The following PCDHGA10 variants were observed in gnomAD, a reference collection of about 807,000 sequenced individuals.
PCDHGA10 encodes the protein protocadherin gamma-A10.
In PCDHGA10, 42 loss-of-function variants were observed where a neutral mutation model predicts 59.5. The observed-to-expected ratio is 0.71, with a 90% CI of 0.55 to 0.91. PCDHGA10 has a LOEUF of 0.91. Among genes scored for constraint, PCDHGA10 ranks in the 40% least tolerant of loss-of-function variants. PCDHGA10 has a pLI of 0.00. For missense variants in PCDHGA10, 1,111 were observed against 1,198.2 expected, an observed-to-expected ratio of 0.93 and a Z score of 1.07; for synonymous variants, 511 against 517.2, an observed-to-expected ratio of 0.99 and a Z score of 0.16.
Position 141,485,668 on chromosome 5 carries a change from T to C in PCDHGA10, c.2437-9139T>C. 6.2e-7 allele frequency: 1 copy of C among 1,612,698 alleles called. No homozygotes were observed. The highest frequency in any genetic ancestry group is 1.3e-5 in the African/African-American group (1 of 74,972). ...CTCAGGATGCAGATGTGGGGAGCAA[T>C]TCGATTAGCAGCTATAGGCTGAGCT... On this transcript the variant is annotated intron_variant, in intron 1 of 3. Transcript: ENST00000398610. The surrounding 1 kb of genome is among the most constrained non-coding windows in gnomAD (Gnocchi z 5.7).
At chr5:141,508,193 C>T (rs1426786164) in intron 3 of PCDHGA10, 1 of 152,326 alleles carries the variant, frequency 6.6e-6, no homozygotes, top group Non-Finnish European at 1.5e-5. Flanking sequence ...ATCACCCCCA[C>T]CTCGTCCAGG....
In PCDHGA10 at chr5:141,418,992, A is replaced by G. The variant is rs554523363; in HGVS notation, c.2436+3381A>G. 28 of 1,613,802 alleles carry G rather than the reference A, an allele frequency of 1.7e-5. No individual in the cohort carries two copies. The African/African-American group carries it at 2.7e-4, about 15-fold the overall frequency. On this transcript the variant is annotated intron_variant, in intron 1 of 3. Coordinates refer to ENST00000398610, the MANE Select transcript of PCDHGA10 (RefSeq NM_018913.3). Reference sequence around the variant, plus strand: ...AAAACACGGGACCAAGACTCAGGGGAAAATGGGGAAGTCAGGTGTAGCTTA... The same window carrying G: ...AAAACACGGGACCAAGACTCAGGGGGAAATGGGGAAGTCAGGTGTAGCTTA...
intron 1 of PCDHGA10, among the ~76,000 whole-genome samples, chr5:141,465,119 A>T (rs2099097382): frequency 6.6e-6 from 1 of 151,780 alleles, no homozygotes; most frequent in Non-Finnish European, 1.5e-5. Flanking sequence ...GTTTTAGCCT[A>T]AATTTGTAAA....
intron 1 of PCDHGA10, among the ~76,000 whole-genome samples, chr5:141,448,952 C>A (rs1278778374): frequency 2.6e-5 from 4 of 151,698 alleles, no homozygotes; most frequent in Non-Finnish European, 5.9e-5. Flanking sequence ...CTCAAAAAAA[C>A]AAACAAACAA....
chr5:141,505,618 A>G, intron 3 of PCDHGA10, 137 bp downstream of exon 3: 6 of 1,496,136 alleles, frequency 4.0e-6, no homozygotes, highest in Non-Finnish European at 5.4e-6. Flanking sequence ...GAAAGGACCC[A>G]CAATTCCAAA....
At position 141,481,468 on chromosome 5, in the gene PCDHGA10, G is replaced by A. The variant is rs575259839; in HGVS notation, c.2437-13339G>A. Among the ~76,000 whole-genome samples the A allele has an allele frequency of 2.6e-5, 4 of 152,332 alleles. No homozygotes were observed. In the South Asian group the frequency reaches 8.3e-4, roughly 32 times the overall value. On this transcript the variant is annotated intron_variant, in intron 1 of 3. Transcript: ENST00000398610. Reference sequence around the variant, plus strand: ...CATGTAAATACACTGAAAACCATTGGATTATACACTTTAAATATGTGATTT... The same window carrying A: ...CATGTAAATACACTGAAAACCATTGAATTATACACTTTAAATATGTGATTT...
Position 141,485,087 on chromosome 5 carries a change from T to G in PCDHGA10, c.2437-9720T>G. The G allele has an allele frequency of 2.0e-6, 2 of 1,000,176 alleles. No homozygotes were observed. The highest frequency in any genetic ancestry group is 1.5e-6 in the Non-Finnish European group (1 of 651,808). 62.0% of individuals were successfully genotyped at this position (1,000,176 alleles called of 1,614,324 possible). A position where few individuals can be genotyped will look rare whatever the true frequency, so the allele number is the denominator to read the frequency against. The stretch of plus-strand genomic sequence containing the variant: ...CAGAGCTGGCGCGGGGAAAGGGAGA[T>G]AGGTGTCTCCAGCTGCTGTGGCTGT... On this transcript the variant is annotated intron_variant, in intron 1 of 3. Transcript: ENST00000398610. This position sits in a 1 kb window ranked among gnomAD's most constrained non-coding sequence, Gnocchi z 5.7.
intron 1 of PCDHGA10, among the ~76,000 whole-genome samples, chr5:141,471,995 TG>T: frequency 6.6e-6 from 1 of 152,322 alleles, no homozygotes; most frequent in East Asian, 1.9e-4. Context: ...TAAAAATCCC[TG>T]CATCGTATAG....
chr5:141,471,717 C>T (rs1196344901), intron 1 of PCDHGA10, among the ~76,000 whole-genome samples: 1 of 152,022 alleles, frequency 6.6e-6, no homozygotes, highest in Non-Finnish European at 1.5e-5. Flanking sequence ...GTGCCACTTA[C>T]CAGGTAAGGA....
In PCDHGA10 at chr5:141,485,269, C is replaced by T. The variant is rs760197007; in HGVS notation, c.2437-9538C>T. The T allele has an allele frequency of 6.2e-7, 1 of 1,614,090 alleles. No homozygotes were observed. Among genetic ancestry groups the T allele is most frequent in the Admixed American group, 1.7e-5 (1 of 60,028 alleles). On this transcript the variant is annotated intron_variant, in intron 1 of 3. Transcript: ENST00000398610. The surrounding 1 kb of genome is among the most constrained non-coding windows in gnomAD (Gnocchi z 5.7). ...TGGGTTACGTTTGTGGGCAGATCCG[C>T]TACCCGGTCCCAGAGGAGTCACAGG... is the stretch of plus-strand genomic sequence containing the variant.
At chr5:141,458,413 G>A (rs138479316) in intron 1 of PCDHGA10, among the ~76,000 whole-genome samples, 1 of 152,196 alleles carries the variant, frequency 6.6e-6, no homozygotes, top group East Asian at 1.9e-4. Context: ...CGGAGCGGGG[G>A]TTCCAAAGCT....
rs375228847 is a variant in PCDHGA10, at chr5:141,431,219, C to G, written c.2436+15608C>G. ...TGCAGCCACTGAGATGCGGTTCCCTCTACCCCACGCCTGGGATCCGGATAT... is the reference window on the plus strand; with the variant it reads ...TGCAGCCACTGAGATGCGGTTCCCTGTACCCCACGCCTGGGATCCGGATAT... On this transcript the variant is annotated intron_variant, in intron 1 of 3. Coordinates refer to ENST00000398610, the MANE Select transcript of PCDHGA10 (RefSeq NM_018913.3). This position sits in a 1 kb window ranked among gnomAD's most constrained non-coding sequence, Gnocchi z 4.8. 2.5e-6 allele frequency: 4 copies of G among 1,614,180 alleles called. No individual in the cohort carries two copies. The highest frequency in any genetic ancestry group is 1.6e-4 in the Middle Eastern group (1 of 6,062).
chr5:141,423,943 G>GA, intron 1 of PCDHGA10: 1 of 1,211,382 alleles, frequency 8.3e-7, no homozygotes, highest in Non-Finnish European at 1.0e-6. Flanking sequence ...GAAGTAAGTT[G>GA]AATTTTAGTA....
rs756270877 is a variant in PCDHGA10 at position 141,413,249 on chromosome 5, G to A, written c.74G>A (p.Gly25Glu). ...CTGGTCCTGCTCTGCCTTTTCTTCG[G>A]GATTCCATGGGAGGCTGGAGCCCGG... ...SGLVLLCLFF[G>E]IPWEAGARQI... is the part of the protein sequence containing the mutation. The change falls in exon 1 of 4, where the codon GGG becomes GAG. Residue 25 changes from glycine to glutamate, a missense_variant. Coordinates refer to ENST00000398610, the MANE Select transcript of PCDHGA10 (RefSeq NM_018913.3). 6.8e-6 allele frequency: 11 copies of A among 1,613,832 alleles called. No individual in the cohort carries two copies. The highest frequency in any genetic ancestry group is 9.3e-6 in the Non-Finnish European group (11 of 1,179,896).
chr5:141,463,438 CTTTTTTT>C (rs71576115), intron 1 of PCDHGA10, among the ~76,000 whole-genome samples: 1 of 103,252 alleles, frequency 9.7e-6, no homozygotes, highest in Non-Finnish European at 1.9e-5. Flanking sequence ...TTTCCTTCTC[CTTTTTTT>C]TTTTTTTTTT....
rs745989563 is a variant in PCDHGA10, at chr5:141,490,728, T to G, written c.2437-4079T>G. The G allele has an allele frequency of 6.2e-7, 1 of 1,614,148 alleles. No individual in the cohort carries two copies. Among genetic ancestry groups the G allele is most frequent in the East Asian group, 2.2e-5 (1 of 44,882 alleles). ...GCCTCACCTACTCCATTGTAGGAAA[T>G]CAGGTTCAGGGAGCCCCAGCCTCCT... On this transcript the variant is annotated intron_variant, in intron 1 of 3. Transcript: ENST00000398610. The surrounding 1 kb of genome is among the most constrained non-coding windows in gnomAD (Gnocchi z 5.4).
intron 1 of PCDHGA10, chr5:141,478,477 C>T: frequency 6.2e-7 from 1 of 1,613,796 alleles, no homozygotes; most frequent in Non-Finnish European, 8.5e-7. Flanking sequence ...GCCGCCAGAA[C>T]ACGCTGCGGA....
At chr5:141,415,966 C>A in intron 1 of PCDHGA10, 1 of 405,602 alleles carries the variant, frequency 2.5e-6, no homozygotes, top group East Asian at 5.2e-5. Context: ...AAACTCCAGC[C>A]CCTTAAGCAA....
In PCDHGA10 at chr5:141,477,625, C is replaced by T; in HGVS notation, c.2437-17182C>T. ...TTCTCTTGGAGCAAGGAGCTGAAACCGGGCTAGTGGGTCGCTATTTCACAA... is the reference window on the plus strand; with the variant it reads ...TTCTCTTGGAGCAAGGAGCTGAAACTGGGCTAGTGGGTCGCTATTTCACAA... On this transcript the variant is annotated intron_variant, in intron 1 of 3. Coordinates refer to ENST00000398610, the MANE Select transcript of PCDHGA10 (RefSeq NM_018913.3). This position sits in a 1 kb window ranked among gnomAD's most constrained non-coding sequence, Gnocchi z 4.9. The T allele has an allele frequency of 1.2e-6, 2 of 1,614,200 alleles. No homozygotes were observed. Among genetic ancestry groups the T allele is most frequent in the Non-Finnish European group, 1.7e-6 (2 of 1,180,046 alleles).
Sources: allele counts gnomAD v4.1 joint callset (sites outside exome capture counted in the v4.1 genomes callset), GRCh38; gene constraint gnomAD v4.1.1; non-coding constraint Gnocchi (gnomAD v3.1); transcripts MANE v1.5; gene names NCBI Gene and HGNC (gene_info 2026-07-23, HGNC 2026-07-21).